The following ADAP1 variants were observed in gnomAD, a reference collection of about 807,000 sequenced individuals.
ADAP1 encodes the protein ArfGAP with dual PH domains 1, also known as arf-GAP with dual PH domain-containing protein 1.
In ADAP1, 31 loss-of-function variants were observed where a neutral mutation model predicts 54.9. That is an observed-to-expected ratio of 0.56 (90% CI 0.42 to 0.76). The LOEUF (loss-of-function observed/expected upper bound fraction) is 0.76, where lower values mean the gene tolerates loss of function less well. Ranked by LOEUF, ADAP1 falls within the 30% of genes least tolerant of loss-of-function variation. The probability of loss-of-function intolerance (pLI) is 0.00; values close to 1 mark genes in which losing one functional copy is unlikely to be tolerated. For missense variants in ADAP1, 535 were observed against 512.4 expected, an observed-to-expected ratio of 1.04 and a Z score of -0.42; for synonymous variants, 313 against 202.6, an observed-to-expected ratio of 1.55 and a Z score of -4.63.
chr7:908,467 C>T (rs1299007281), intron 4 of ADAP1, among the ~76,000 whole-genome samples: 1 of 152,208 alleles, frequency 6.6e-6, no homozygotes, highest in East Asian at 1.9e-4. Context: ...CTCCCCAAGC[C>T]TCTACAAGGC....
chr7:904,920 C>T (rs575510544), intron 5 of ADAP1, 140 bp downstream of exon 5: 119 of 733,484 alleles, frequency 1.6e-4, no homozygotes, highest in African/African-American at 4.7e-4. Flanking sequence ...CAACACAGGC[C>T]GGTTCTCCTG....
upstream of ADAP1, chr7:954,695 C>T: frequency 4.1e-6 from 4 of 981,564 alleles, no homozygotes; most frequent in South Asian, 9.4e-5. Flanking sequence ...GCGCGGGGCC[C>T]GGGGCGCACG....
intron 4 of ADAP1, among the ~76,000 whole-genome samples, chr7:911,384 G>C (rs1845715747): frequency 6.6e-6 from 1 of 152,160 alleles, no homozygotes; most frequent in African/African-American, 2.4e-5. Context: ...TCCCCGCCAG[G>C]CTGCCCAGGC....
chr7:911,876 C>T (rs1845737825), intron 4 of ADAP1, among the ~76,000 whole-genome samples: 1 of 152,158 alleles, frequency 6.6e-6, no homozygotes. Context: ...AGCCCTACCA[C>T]CTCTGGCCAG....
chr7:904,397 T>G, intron 5 of ADAP1, 125 bp from the exon 6 acceptor site: 1 of 1,270,774 alleles, frequency 7.9e-7, no homozygotes, highest in Non-Finnish European at 1.1e-6. Flanking sequence ...GGCAAGTTAC[T>G]TAAGCGCTCT....
intron 4 of ADAP1, among the ~76,000 whole-genome samples, chr7:917,344 G>C (rs1455173351): frequency 1.3e-5 from 2 of 149,900 alleles, no homozygotes; most frequent in Admixed American, 6.6e-5. Flanking sequence ...GTGCACGGGA[G>C]GGGGGCGCAG....
chr7:910,724 G>A (rs879417479), intron 4 of ADAP1, among the ~76,000 whole-genome samples: 39 of 152,248 alleles, frequency 2.6e-4, no homozygotes, highest in Non-Finnish European at 5.1e-4. Flanking sequence ...TGGACCCTCT[G>A]GGGTGGGAAC....
rs894553510 is a variant in ADAP1 at position 898,751 on chromosome 7, T to G, written c.*170A>C. The stretch of plus-strand genomic sequence containing the variant: ...GGGCCTGGGCTGCCTGCCTTGAGGT[T>G]CCAGAGAAGCATCCTGGAAGCTGAA... On this transcript the variant is annotated 3_prime_UTR_variant, in exon 11 of 11. Transcript: ENST00000265846. The G allele has an allele frequency of 3.6e-6, 3 of 836,316 alleles. No individual in the cohort carries two copies. The highest frequency in any genetic ancestry group is 5.6e-6 in the Non-Finnish European group (3 of 532,712). 51.8% of individuals were successfully genotyped at this position (836,316 alleles called of 1,614,324 possible).
In ADAP1 at chr7:920,728, C is replaced by T. The variant is rs1846161081; in HGVS notation, c.306-678G>A. ...GGGCCCCCCACGGCACCCACTGAGC[C>T]CAGACATCCCTGCCCAGAGCCACCC... is the stretch of plus-strand genomic sequence containing the variant. On this transcript the variant is annotated intron_variant, in intron 3 of 10. Coordinates refer to ENST00000265846, the MANE Select transcript of ADAP1 (RefSeq NM_006869.4). The surrounding 1 kb of genome is among the most constrained non-coding windows in gnomAD (Gnocchi z 4.5). The T allele has an allele frequency of 2.7e-6, 4 of 1,476,890 alleles. No individual in the cohort carries two copies. Among genetic ancestry groups the T allele is most frequent in the Admixed American group, 2.0e-5 (1 of 48,860 alleles). 91.5% of individuals were successfully genotyped at this position (1,476,890 alleles called of 1,614,324 possible).
intron 4 of ADAP1, among the ~76,000 whole-genome samples, chr7:914,847 G>A (rs1375067328): frequency 1.3e-5 from 2 of 152,120 alleles, no homozygotes; most frequent in Non-Finnish European, 2.9e-5. Flanking sequence ...GTCTGAAGCA[G>A]CCAGGCCTTC....
chr7:930,014 G>C (rs1221117337), intron 2 of ADAP1, among the ~76,000 whole-genome samples: 1 of 148,690 alleles, frequency 6.7e-6, no homozygotes, highest in African/African-American at 2.5e-5. Flanking sequence ...TGAGGTGAGA[G>C]GATCGTTTGA....
intron 2 of ADAP1, 30 bp downstream of exon 2, chr7:935,345 G>A (rs1306497174): frequency 1.3e-6 from 2 of 1,547,718 alleles, no homozygotes; most frequent in Non-Finnish European, 1.7e-6. Flanking sequence ...CGGGGACTGC[G>A]CGGGTCCCCC....
At chr7:911,038 G>A (rs1325750160) in intron 4 of ADAP1, among the ~76,000 whole-genome samples, 2 of 152,152 alleles carry the variant, frequency 1.3e-5, no homozygotes, top group East Asian at 3.9e-4. Flanking sequence ...CACGCTCTCC[G>A]ACCCATTAAT....
rs1476857300 is a variant in ADAP1 at position 945,456 on chromosome 7, T to A, written c.82+8940A>T. On this transcript the variant is annotated intron_variant, in intron 1 of 10. Coordinates refer to ENST00000265846, the MANE Select transcript of ADAP1 (RefSeq NM_006869.4). The surrounding 1 kb of genome is among the most constrained non-coding windows in gnomAD (Gnocchi z 4.2). ...CCCTGCTTCTGCCCAGGACCACTTC[T>A]GGGTTCCCAGGACTGTGGAATTTTG... Among the ~76,000 whole-genome samples the A allele has an allele frequency of 3.3e-5, 5 of 152,204 alleles. No individual in the cohort carries two copies. The highest frequency in any genetic ancestry group is 7.4e-5 in the Non-Finnish European group (5 of 68,020).
chr7:934,358 G>A (rs1177997581), intron 2 of ADAP1, among the ~76,000 whole-genome samples: 3 of 149,546 alleles, frequency 2.0e-5, no homozygotes, highest in Non-Finnish European at 3.0e-5. Context: ...AGTGGTCCTG[G>A]AGAGGGGGTG....
intron 7 of ADAP1, 149 bp from the exon 8 acceptor site, chr7:900,313 C>G: frequency 9.6e-7 from 1 of 1,043,226 alleles, no homozygotes; most frequent in Non-Finnish European, 1.4e-6. Context: ...ACATTTCTGC[C>G]TCTGCTTGCC....
chr7:898,968 C>T lies in ADAP1; in HGVS notation c.1097-19G>A. On this transcript the variant is annotated intron_variant, in intron 10 of 10. Transcript: ENST00000265846. ...GCCTCCACTGCAACGGAACAGGGTC[C>T]AGCGTTGTCACAGCGGCGGGGAGCT... 4 of 1,611,556 alleles carry T rather than the reference C, an allele frequency of 2.5e-6. No homozygotes were observed. Among genetic ancestry groups the T allele is most frequent in the Admixed American group, 1.7e-5 (1 of 59,856 alleles).
At chr7:912,673 C>T (rs1339481469) in intron 4 of ADAP1, among the ~76,000 whole-genome samples, 3 of 152,208 alleles carry the variant, frequency 2.0e-5, no homozygotes, top group Non-Finnish European at 4.4e-5. Context: ...ACGTGCACCT[C>T]GAGAGGTGTT....
intron 5 of ADAP1, among the ~76,000 whole-genome samples, chr7:904,509 C>T (rs1385442356): frequency 6.6e-6 from 1 of 152,188 alleles, no homozygotes; most frequent in East Asian, 1.9e-4. Flanking sequence ...TGACATCAGA[C>T]ACTGCACCTC....
Sources: gnomAD v4.1 joint callset for allele counts (sites outside exome capture counted in the v4.1 genomes callset) on GRCh38, gnomAD v4.1.1 for gene constraint, Gnocchi (gnomAD v3.1) non-coding constraint, MANE v1.5 for transcripts, NCBI Gene and HGNC (gene_info 2026-07-23, HGNC 2026-07-21) for gene names.